SYNE2: variants seen among roughly 807,000 people sequenced by gnomAD.
SYNE2 encodes spectrin repeat containing nuclear envelope protein 2.
A neutral mutation model predicts 856.3 loss-of-function variants in SYNE2; 431 were observed. The ratio of observed to expected loss-of-function variants is 0.50; its 90% CI spans 0.47 to 0.55. The LOEUF is 0.55. SYNE2 is among the 20% of genes least tolerant of loss of function. The pLI, the probability that SYNE2 is intolerant of heterozygous loss-of-function variation, is 0.00. For missense variants in SYNE2, 8,129 were observed against 8,023.2 expected, an observed-to-expected ratio of 1.01 and a Z score of -0.50; for synonymous variants, 2,923 against 2,872.3, an observed-to-expected ratio of 1.02 and a Z score of -0.56.
intron 1 of SYNE2, among the ~76,000 whole-genome samples, chr14:63,798,384 G>GTT (rs548013514): frequency 4.7e-5 from 6 of 127,458 alleles, no homozygotes; most frequent in Non-Finnish European, 6.8e-5. Context: ...ACCTTAACTT[G>GTT]TTTTTTTTTT....
chr14:63,776,650 A>T (rs1887118151), intron 1 of SYNE2, among the ~76,000 whole-genome samples: 1 of 138,630 alleles, frequency 7.2e-6, no homozygotes. Flanking sequence ...CCCAGGCTGG[A>T]GTGCAGTGGT....
intron 78 of SYNE2, among the ~76,000 whole-genome samples, chr14:64,134,813 C>T (rs1388345932): frequency 1.3e-5 from 2 of 149,148 alleles, no homozygotes; most frequent in East Asian, 3.9e-4. Flanking sequence ...CCTGTCTCTA[C>T]TAAAATACAA....
At chr14:63,861,808 G>A (rs7145302) in intron 1 of SYNE2, among the ~76,000 whole-genome samples, 87,178 of 151,958 alleles carry the variant, frequency 0.57, 25,451 homozygotes, top group South Asian at 0.69. Flanking sequence ...ATTTTACTAT[G>A]TGTGTTGTTG....
chr14:63,852,740 T>C (rs1337620503), upstream of SYNE2, among the ~76,000 whole-genome samples: 1 of 152,160 alleles, frequency 6.6e-6, no homozygotes, highest in Non-Finnish European at 1.5e-5. Context: ...TGGCTCCTGT[T>C]CACCCAGCCC....
chr14:64,131,097 G>T (rs1319130645), intron 76 of SYNE2, among the ~76,000 whole-genome samples: 1 of 152,148 alleles, frequency 6.6e-6, no homozygotes, highest in Non-Finnish European at 1.5e-5. Context: ...GTAAGCTTAT[G>T]GTCTAGCATT....
At chr14:63,807,216 T>C (rs923202756) in intron 1 of SYNE2, among the ~76,000 whole-genome samples, 2 of 152,060 alleles carry the variant, frequency 1.3e-5, no homozygotes, top group African/African-American at 4.8e-5. Context: ...CATGTGCCTG[T>C]AGTCCCAGCT....
rs747841483 is a variant in SYNE2, at chr14:64,215,325, T to C, written c.19373T>C (p.Met6458Thr). The C allele has an allele frequency of 3.7e-6, 6 of 1,614,080 alleles. No homozygotes were observed. In the Admixed American group the frequency reaches 1.0e-4, roughly 27 times the overall value. ...GAAAATCCTGAGGCATATCTTAAAA[T>C]GACCACAAAAACTTTGAAAGCGTCT... ...IPENPEAYLK[M>T]TTKTLKASSG... Residue 6458 changes from methionine to threonine, a missense_variant, in exon 107 of 116, where the codon ATG becomes ACG. Met to Thr is a moderately conservative substitution (Grantham distance 81). Coordinates refer to ENST00000555002, the MANE Select transcript of SYNE2 (RefSeq NM_182914.3).
intron 8 of SYNE2, among the ~76,000 whole-genome samples, chr14:63,955,266 A>C (rs922046856): frequency 3.3e-5 from 5 of 152,020 alleles, no homozygotes; most frequent in Admixed American, 6.6e-5. Context: ...AAAGTTGTTT[A>C]TATGTCTCTC....
At chr14:64,159,988 G>A (rs2098315467) in intron 87 of SYNE2, among the ~76,000 whole-genome samples, 1 of 152,140 alleles carries the variant, frequency 6.6e-6, no homozygotes, top group Non-Finnish European at 1.5e-5. Context: ...ATAAAAGTTG[G>A]CCTCCAACCA....
At chr14:64,188,513 G>A in intron 97 of SYNE2, 37 bp from the exon 98 acceptor site, 1 of 1,613,762 alleles carries the variant, frequency 6.2e-7, no homozygotes, top group Non-Finnish European at 8.5e-7. Context: ...TTTCCTTCCT[G>A]GCTATACTCA....
At chr14:63,948,609 C>T (rs998753577) in intron 6 of SYNE2, among the ~76,000 whole-genome samples, 4 of 147,674 alleles carry the variant, frequency 2.7e-5, no homozygotes, top group Admixed American at 6.8e-5. Flanking sequence ...TGCAGTGAGC[C>T]GAGATTGCAC....
intron 45 of SYNE2, among the ~76,000 whole-genome samples, chr14:64,039,279 A>G (rs1423963801): frequency 6.6e-6 from 1 of 152,274 alleles, no homozygotes; most frequent in Admixed American, 6.5e-5. Context: ...CAAAGTTACC[A>G]TAGCCATGGG....
intron 1 of SYNE2, among the ~76,000 whole-genome samples, chr14:63,783,438 C>T (rs1278920203): frequency 1.3e-5 from 2 of 152,052 alleles, no homozygotes; most frequent in Non-Finnish European, 2.9e-5. Context: ...AGTGCAGTGG[C>T]GCGATCTTGG....
intron 61 of SYNE2, chr14:64,094,980 A>C (rs1206036019): frequency 5.9e-6 from 1 of 168,570 alleles, no homozygotes; most frequent in East Asian, 1.9e-4. Context: ...AACAAATAGT[A>C]ATGAGAAGAG....
chr14:64,006,405 C>T (rs571415018), intron 30 of SYNE2, among the ~76,000 whole-genome samples: 7 of 152,238 alleles, frequency 4.6e-5, no homozygotes, highest in East Asian at 3.9e-4. Flanking sequence ...CATAAGCACA[C>T]GTATGCGCTT....
rs1022648840 is a variant in SYNE2 at position 63,997,135 on chromosome 14, A to T, written c.3129A>T (p.Thr1043=). The change falls in exon 24 of 116, where the codon ACA becomes ACT. Residue 1043 remains threonine, a synonymous_variant. Transcript: ENST00000555002. ...ASEIHMTLQP[T]AGGTSKNEGT... ...AGATTCATATGACACTGCAGCCCAC[A>T]GCGGGAGGCACGTCGAAAAACGAGT... is the stretch of plus-strand genomic sequence containing the variant. 6.2e-7 allele frequency: 1 copy of T among 1,613,974 alleles called. No homozygotes were observed. The highest frequency in any genetic ancestry group is 8.5e-7 in the Non-Finnish European group (1 of 1,179,984).
chr14:64,219,067 A>C, intron 109 of SYNE2, 141 bp from the exon 110 acceptor site: 2 of 762,574 alleles, frequency 2.6e-6, no homozygotes, highest in Non-Finnish European at 4.1e-6. Flanking sequence ...TCCCAAAACC[A>C]GACCCTTCTG....
chr14:64,216,211 G>A (rs1490033973), intron 107 of SYNE2, 37 bp from the exon 108 acceptor site: 1 of 1,613,112 alleles, frequency 6.2e-7, no homozygotes, highest in Non-Finnish European at 8.5e-7. Flanking sequence ...CGTTCAGTAG[G>A]AGAGAATAGA....
chr14:64,131,500 A>C (rs1183471032), intron 76 of SYNE2, among the ~76,000 whole-genome samples: 1 of 152,182 alleles, frequency 6.6e-6, no homozygotes, highest in Non-Finnish European at 1.5e-5. Context: ...GGGTTGCTTG[A>C]GTTTGCACAT....
Sources: gnomAD v4.1 joint callset for allele counts (sites outside exome capture counted in the v4.1 genomes callset) on GRCh38, gnomAD v4.1.1 for gene constraint, MANE v1.5 for transcripts, NCBI Gene and HGNC (gene_info 2026-07-23, HGNC 2026-07-21) for gene names.